The following ST3GAL4 variants were observed in gnomAD, a reference collection of about 807,000 sequenced individuals.
The protein encoded by ST3GAL4 is CMP-N-acetylneuraminate-beta-galactosamide-alpha-2,3-sialyltransferase 4.
A neutral mutation model predicts 42.6 loss-of-function variants in ST3GAL4; 24 were observed. The ratio of observed to expected loss-of-function variants is 0.56; its 90% CI spans 0.41 to 0.79. ST3GAL4 has a LOEUF of 0.79. Among genes scored for constraint, ST3GAL4 ranks in the 30% least tolerant of loss-of-function variants. The pLI is 0.00. For synonymous variants in ST3GAL4, 135 were observed against 163.2 expected (o/e 0.83, Z 1.32); for missense variants, 311 against 430.8 (o/e 0.72, Z 2.46).
At chr11:126,403,373 T>C in intron 1 of ST3GAL4, 1 of 982,258 alleles carries the variant, frequency 1.0e-6, no homozygotes, top group Non-Finnish European at 1.2e-6. Flanking sequence ...ACGCCAAAGG[T>C]TTTTCCCTGG....
intron 1 of ST3GAL4, among the ~76,000 whole-genome samples, chr11:126,372,049 A>G (rs1279147127): frequency 6.6e-6 from 1 of 152,218 alleles, no homozygotes; most frequent in African/African-American, 2.4e-5. Flanking sequence ...TTATGATAAA[A>G]TGCACAAGCA....
chr11:126,381,218 G>A (rs1307498618), intron 1 of ST3GAL4, among the ~76,000 whole-genome samples: 3 of 152,118 alleles, frequency 2.0e-5, no homozygotes, highest in Non-Finnish European at 4.4e-5. Context: ...ACTGATCCCT[G>A]GCCACCCATT....
chr11:126,413,539 C>T lies in ST3GAL4; in HGVS notation c.806C>T (p.Ala269Val). 1 of 1,614,234 alleles carries T rather than the reference C, an allele frequency of 6.2e-7. No homozygotes were observed. Among genetic ancestry groups the T allele is most frequent in the South Asian group, 1.1e-5 (1 of 91,086 alleles). The change falls in exon 10 of 11, where the codon GCC (alanine) becomes GTC (valine). Residue 269 changes from alanine to valine, a missense_variant. Physicochemically the swap from Ala to Val is moderately conservative, Grantham distance 64. Coordinates refer to ENST00000444328, the MANE Select transcript of ST3GAL4 (RefSeq NM_001254757.2). ...ACGGGCCTGTTGGCCATCACGCTGG[C>T]CCTCCACCTCTGTGACTTGGTGCAC... ...PTTGLLAITL[A>V]LHLCDLVHIA...
Position 126,362,193 on chromosome 11 carries a change from C to CTTTTT in ST3GAL4, c.-61+6369_-61+6373dup, listed in dbSNP as rs763280766. Among the ~76,000 whole-genome samples, 888 of 119,060 alleles carry CTTTTT rather than the reference C, an allele frequency of 7.5e-3. 24 individuals are homozygous for CTTTTT. Among genetic ancestry groups the CTTTTT allele is most frequent in the African/African-American group, 0.026 (789 of 30,242 alleles). The allele number at this position is 119,060 out of a possible 152,430, so 78.1% of individuals were successfully genotyped here. A position where few individuals can be genotyped will look rare whatever the true frequency, so the allele number is the denominator to read the frequency against. ...CACCGTGTCTGGCCAACATTTCTTC[C>CTTTTT]TTTTTTTTTTTTTTTTTTTTTTAAG... On this transcript the variant is annotated intron_variant, in intron 1 of 10. Transcript: ENST00000444328.
Position 126,406,652 on chromosome 11 carries a change from G to A in ST3GAL4, c.101+95G>A, listed in dbSNP as rs1591488875. ...AGCGGGGGACCTAGTAGGGCAGGAAGGTTCCAAGAGCCGGCACATGACCTC... is the reference window on the plus strand; with the variant it reads ...AGCGGGGGACCTAGTAGGGCAGGAAAGTTCCAAGAGCCGGCACATGACCTC... On this transcript the variant is annotated intron_variant, in intron 3 of 10. Coordinates refer to ENST00000444328, the MANE Select transcript of ST3GAL4 (RefSeq NM_001254757.2). This position sits in a 1 kb window ranked among gnomAD's most constrained non-coding sequence, Gnocchi z 5.4. 1 of 1,570,168 alleles carries A rather than the reference G, an allele frequency of 6.4e-7. No homozygotes were observed. The highest frequency in any genetic ancestry group is 8.7e-7 in the Non-Finnish European group (1 of 1,154,172).
Position 126,402,085 on chromosome 11 carries a change from G to A in ST3GAL4, c.-60-4011G>A, listed in dbSNP as rs192042230. 3.8e-5 allele frequency among the ~76,000 whole-genome samples: 5 copies of A among 131,488 alleles called. 1 individual carries two copies. The Admixed American group carries it at 4.0e-4, about 10-fold the overall frequency. 86.3% of individuals were successfully genotyped at this position (131,488 alleles called of 152,430 possible). ...ATCTGGTGTCTAGGTGGAAGGATTT[G>A]GGGGAAAGAGGGGAGGTAGGAGAGT... On this transcript the variant is annotated intron_variant, in intron 1 of 10. Transcript: ENST00000444328.
At chr11:126,394,611 G>A (rs1199241031) in intron 1 of ST3GAL4, among the ~76,000 whole-genome samples, 2 of 151,950 alleles carry the variant, frequency 1.3e-5, no homozygotes, top group Non-Finnish European at 2.9e-5. Flanking sequence ...TTTTTATAGA[G>A]ATGGGGTTTC....
At chr11:126,387,474 T>C (rs189402448) in intron 1 of ST3GAL4, among the ~76,000 whole-genome samples, 1 of 152,114 alleles carries the variant, frequency 6.6e-6, no homozygotes, top group East Asian at 1.9e-4. Context: ...GCCCAGGAGT[T>C]TGAGACCAGC....
At chr11:126,408,664 G>A in intron 8 of ST3GAL4, 168 bp downstream of exon 8, 1 of 763,116 alleles carries the variant, frequency 1.3e-6, no homozygotes, top group South Asian at 1.9e-5. Context: ...CAAGGGTGGT[G>A]CTCTGATAAG....
intron 1 of ST3GAL4, among the ~76,000 whole-genome samples, chr11:126,369,259 G>T (rs11822130): frequency 3.2e-4 from 48 of 151,770 alleles, no homozygotes; most frequent in Admixed American, 1.2e-3. Flanking sequence ...TTTTTTTTGG[G>T]GGGGGGAGGC....
Position 126,376,860 on chromosome 11 carries a change from G to A in ST3GAL4, c.-61+21018G>A, listed in dbSNP as rs1468926239. On this transcript the variant is annotated intron_variant, in intron 1 of 10. Coordinates refer to ENST00000444328, the MANE Select transcript of ST3GAL4 (RefSeq NM_001254757.2). The surrounding 1 kb of genome is among the most constrained non-coding windows in gnomAD (Gnocchi z 5.1). ...GATGAGAATTCCATGGCCACAGTTA[G>A]CAGTTACATAGTCAGTGTTGCTTTC... 1 of 152,212 alleles carries A rather than the reference G, an allele frequency of 6.6e-6. No homozygotes were observed. Among genetic ancestry groups the A allele is most frequent in the Non-Finnish European group, 1.5e-5 (1 of 68,044 alleles). 9.4% of individuals were successfully genotyped at this position (152,212 alleles called of 1,614,324 possible).
chr11:126,356,130 C>T (rs1190477812), intron 1 of ST3GAL4: 1 of 152,586 alleles, frequency 6.6e-6, no homozygotes, highest in Non-Finnish European at 1.5e-5. Flanking sequence ...ATCCCCCAGC[C>T]CTGCGCCCGG....
chr11:126,381,717 G>A (rs1953011231), intron 1 of ST3GAL4, among the ~76,000 whole-genome samples: 1 of 151,496 alleles, frequency 6.6e-6, no homozygotes, highest in South Asian at 2.1e-4. Context: ...GGCTGAGGAG[G>A]GGCCGTGGGA....
chr11:126,394,275 G>A (rs1953640922), intron 1 of ST3GAL4, among the ~76,000 whole-genome samples: 1 of 152,198 alleles, frequency 6.6e-6, no homozygotes, highest in Non-Finnish European at 1.5e-5. Flanking sequence ...CCAGGACCTG[G>A]GGCAGGTCCA....
At position 126,396,306 on chromosome 11, in the gene ST3GAL4, G is replaced by A. The variant is rs1371324460; in HGVS notation, c.-60-9790G>A. Among the ~76,000 whole-genome samples, 4 of 152,214 alleles carry A rather than the reference G, an allele frequency of 2.6e-5. No homozygotes were observed. Among genetic ancestry groups the A allele is most frequent in the East Asian group, 1.9e-4 (1 of 5,184 alleles). ...GTGGAAGCAGGTACAGCCCAGGCCCGCGCTGAGGTTCGGCAGGGAAGCCAG... is the reference window on the plus strand; with the variant it reads ...GTGGAAGCAGGTACAGCCCAGGCCCACGCTGAGGTTCGGCAGGGAAGCCAG... On this transcript the variant is annotated intron_variant, in intron 1 of 10. Transcript: ENST00000444328. This position sits in a 1 kb window ranked among gnomAD's most constrained non-coding sequence, Gnocchi z 5.8.
chr11:126,359,576 T>G lies in ST3GAL4; in HGVS notation c.-61+3734T>G, dbSNP rs1952176699. On this transcript the variant is annotated intron_variant, in intron 1 of 10. Coordinates refer to ENST00000444328, the MANE Select transcript of ST3GAL4 (RefSeq NM_001254757.2). This position sits in a 1 kb window ranked among gnomAD's most constrained non-coding sequence, Gnocchi z 4.8. ...AGCTCAAAGGCGTGAAGGGGTTTGC[T>G]CAAGGCCACAGTGTATTAGTGTCAA... is the stretch of plus-strand genomic sequence containing the variant. Among the ~76,000 whole-genome samples, 1 of 152,184 alleles carries G rather than the reference T, an allele frequency of 6.6e-6. No individual in the cohort carries two copies. Among genetic ancestry groups the G allele is most frequent in the Non-Finnish European group, 1.5e-5 (1 of 68,022 alleles).
chr11:126,362,063 G>A (rs1212224151), intron 1 of ST3GAL4, among the ~76,000 whole-genome samples: 4 of 151,594 alleles, frequency 2.6e-5, no homozygotes, highest in South Asian at 2.1e-4. Flanking sequence ...TGTACTTTTA[G>A]TAGAAATGGG....
Position 126,391,822 on chromosome 11 carries a change from C to T in ST3GAL4, c.-60-14274C>T, listed in dbSNP as rs1953524754. Among the ~76,000 whole-genome samples, 1 of 152,102 alleles carries T rather than the reference C, an allele frequency of 6.6e-6. No individual in the cohort carries two copies. The highest frequency in any genetic ancestry group is 1.5e-5 in the Non-Finnish European group (1 of 68,024). On this transcript the variant is annotated intron_variant, in intron 1 of 10. Transcript: ENST00000444328. This position sits in a 1 kb window ranked among gnomAD's most constrained non-coding sequence, Gnocchi z 5.5. ...GTCTGGGGAGGGCAGAACCCAGCGT[C>T]ACTGACACCCTCCAGATACAGAGTT...
chr11:126,374,779 C>G (rs1237552119), intron 1 of ST3GAL4, among the ~76,000 whole-genome samples: 1 of 152,116 alleles, frequency 6.6e-6, no homozygotes, highest in African/African-American at 2.4e-5. Context: ...TTACAGATGA[C>G]CGGTCTGTTC....
Sources: allele counts gnomAD v4.1 joint callset (sites outside exome capture counted in the v4.1 genomes callset), GRCh38; gene constraint gnomAD v4.1.1; non-coding constraint Gnocchi (gnomAD v3.1); transcripts MANE v1.5; gene names NCBI Gene and HGNC (gene_info 2026-07-23, HGNC 2026-07-21).